Variants in RGS21 observed in about 807,000 individuals in gnomAD.
RGS21 encodes the protein regulator of G-protein signalling 21.
RGS21 carries 19 observed loss-of-function variants against 18.7 expected under a neutral mutation model. The ratio of observed to expected loss-of-function variants is 1.01; its 90% CI spans 0.71 to 1.49. The LOEUF is 1.49. Ranked by LOEUF, RGS21 falls within the 40% of genes most tolerant of loss-of-function variation. RGS21 has a pLI of 0.00. For synonymous variants in RGS21, 56 were observed against 57.8 expected, an observed-to-expected ratio of 0.97 and a Z score of 0.14; for missense variants, 194 against 176.8, an observed-to-expected ratio of 1.10 and a Z score of -0.55.
At chr1:192,365,642 T>C (rs1439068845) in intron 4 of RGS21, among the ~76,000 whole-genome samples, 4 of 152,084 alleles carry the variant, frequency 2.6e-5, no homozygotes, top group African/African-American at 9.7e-5. Context: ...TGTAAAGTCA[T>C]AAAATATCTT....
intron 3 of RGS21, among the ~76,000 whole-genome samples, chr1:192,348,218 T>C (rs923317978): frequency 1.3e-5 from 2 of 151,538 alleles, no homozygotes; most frequent in African/African-American, 4.9e-5. Context: ...TAGAGACAGG[T>C]GTTCGCCACA....
At chr1:192,341,308 G>A (rs1002462090) in intron 1 of RGS21, among the ~76,000 whole-genome samples, 13 of 151,910 alleles carry the variant, frequency 8.6e-5, no homozygotes, top group African/African-American at 2.7e-4. Context: ...CATGTTCCAG[G>A]CATTAGGACA....
chr1:192,318,784 C>T (rs1658454182), intron 1 of RGS21, among the ~76,000 whole-genome samples: 1 of 151,972 alleles, frequency 6.6e-6, no homozygotes, highest in Non-Finnish European at 1.5e-5. Flanking sequence ...AATAACACTT[C>T]CAAGAACTAT....
intron 1 of RGS21, among the ~76,000 whole-genome samples, chr1:192,333,062 A>T (rs1345715194): frequency 6.6e-6 from 1 of 152,166 alleles, no homozygotes; most frequent in East Asian, 1.9e-4. Context: ...TATCACATGA[A>T]AAAAAGGGTC....
chr1:192,317,383 G>A (rs988670076), intron 1 of RGS21, among the ~76,000 whole-genome samples: 2 of 151,576 alleles, frequency 1.3e-5, no homozygotes, highest in Admixed American at 6.6e-5. Context: ...TCCACGGGAG[G>A]GGAGAGAAAA....
At chr1:192,328,977 T>C (rs531714412) in intron 1 of RGS21, among the ~76,000 whole-genome samples, 1 of 152,272 alleles carries the variant, frequency 6.6e-6, no homozygotes, top group East Asian at 1.9e-4. Context: ...TAAAATGTTA[T>C]ACAATTTAAA....
intron 2 of RGS21, among the ~76,000 whole-genome samples, chr1:192,344,008 A>G (rs955618403): frequency 2.0e-5 from 3 of 151,966 alleles, no homozygotes; most frequent in Admixed American, 2.0e-4. Flanking sequence ...ATATAGTTAC[A>G]TTTTTTAAAA....
intron 1 of RGS21, among the ~76,000 whole-genome samples, chr1:192,339,173 C>A (rs1658814489): frequency 6.6e-6 from 1 of 151,722 alleles, no homozygotes; most frequent in African/African-American, 2.4e-5. Flanking sequence ...TCCCACAAAT[C>A]TTTTATGACA....
At chr1:192,355,952 T>C (rs553689513) in intron 4 of RGS21, among the ~76,000 whole-genome samples, 19 of 151,738 alleles carry the variant, frequency 1.3e-4, no homozygotes, top group African/African-American at 4.6e-4. Flanking sequence ...AATCATATCA[T>C]GGTGTAACAT....
chr1:192,322,054 C>T (rs896469747), intron 1 of RGS21, among the ~76,000 whole-genome samples: 10 of 152,208 alleles, frequency 6.6e-5, no homozygotes, highest in South Asian at 4.1e-4. Flanking sequence ...ACAAGTGGAA[C>T]GGCTAATCTA....
chr1:192,352,335 C>T lies in RGS21; in HGVS notation c.255+122C>T. 4 of 612,108 alleles carry T rather than the reference C, an allele frequency of 6.5e-6. No homozygotes were observed. The Middle Eastern group carries it at 1.1e-3, about 167-fold the overall frequency. 37.9% of individuals were successfully genotyped at this position (612,108 alleles called of 1,614,324 possible). On this transcript the variant is annotated intron_variant, in intron 4 of 4. Transcript: ENST00000417209. The stretch of plus-strand genomic sequence containing the variant: ...CAGTATGTGTTTAAATAGAAAATGT[C>T]AGTAGATTCCAAGAGAAATTCCTTA...
chr1:192,344,710 G>A (rs977100365), intron 2 of RGS21, among the ~76,000 whole-genome samples: 1 of 152,008 alleles, frequency 6.6e-6, no homozygotes, highest in African/African-American at 2.4e-5. Flanking sequence ...AAAAGTAAAT[G>A]CTATGTTACC....
chr1:192,320,526 ATGTATGTGTATGTGTATG>A (rs57903620), intron 1 of RGS21, among the ~76,000 whole-genome samples: 54 of 147,572 alleles, frequency 3.7e-4, no homozygotes, highest in East Asian at 6.0e-4. Flanking sequence ...GTATGTGTAT[ATGTATGTGTATGTGTATG>A]TGTATGTGTA....
rs1183437157 is a variant in RGS21, at chr1:192,366,506, TTG to T, written c.*384_*385del. ...TGCTTTATTCAAAAAAATCTCACTT[TTG>T]TAAAAAGAGAATTTCTGAACCAAAA... is the stretch of plus-strand genomic sequence containing the variant. On this transcript the variant is annotated 3_prime_UTR_variant, in exon 5 of 5. Coordinates refer to ENST00000417209, the MANE Select transcript of RGS21 (RefSeq NM_001039152.3). 1 of 152,712 alleles carries T rather than the reference TTG, an allele frequency of 6.5e-6. No homozygotes were observed. The highest frequency in any genetic ancestry group is 1.5e-5 in the Non-Finnish European group (1 of 68,460). The allele number at this position is 152,712 out of a possible 1,614,324, so 9.5% of individuals were successfully genotyped here. A position where few individuals can be genotyped will look rare whatever the true frequency, so the allele number is the denominator to read the frequency against.
Position 192,353,028 on chromosome 1 carries a change from T to A in RGS21, c.255+815T>A, listed in dbSNP as rs1004069699. ...CAAACAGGAAGCTCCATTAAACTAC[T>A]AGTACCAAACCAACTACTATTACCA... On this transcript the variant is annotated intron_variant, in intron 4 of 4. Transcript: ENST00000417209. 1.1e-4 allele frequency among the ~76,000 whole-genome samples: 17 copies of A among 152,056 alleles called. 1 individual carries two copies. The highest frequency in any genetic ancestry group is 3.3e-4 in the Admixed American group (5 of 15,216).
chr1:192,342,839 A>T lies in RGS21; in HGVS notation c.-60-138A>T, dbSNP rs1301179334. On this transcript the variant is annotated intron_variant, in intron 1 of 4. Coordinates refer to ENST00000417209, the MANE Select transcript of RGS21 (RefSeq NM_001039152.3). ...GAGTTATTTATTACTTAGAAGTTTA[A>T]GTGTTTTGACCAATGAAAAGTTAAT... The T allele has an allele frequency of 5.7e-6, 3 of 527,836 alleles. No individual in the cohort carries two copies. In the African/African-American group the frequency reaches 5.7e-5, roughly 10 times the overall value. The allele number at this position is 527,836 out of a possible 1,614,324, so 32.7% of individuals were successfully genotyped here.
intron 3 of RGS21, among the ~76,000 whole-genome samples, chr1:192,347,594 C>T (rs1658971451): frequency 6.6e-6 from 1 of 152,006 alleles, no homozygotes; most frequent in Non-Finnish European, 1.5e-5. Flanking sequence ...TACATTAAAA[C>T]AAAAGGGAAA....
At position 192,366,356 on chromosome 1, in the gene RGS21, G is replaced by A; in HGVS notation, c.*232G>A. On this transcript the variant is annotated 3_prime_UTR_variant, in exon 5 of 5. Transcript: ENST00000417209. ...GGGGAGTACAAAGAAAGTTTATAGA[G>A]ATACAATATAGTCTTAAACCAAAAC... is the stretch of plus-strand genomic sequence containing the variant. 2.4e-6 allele frequency: 1 copy of A among 412,366 alleles called. No homozygotes were observed. Among genetic ancestry groups the A allele is most frequent in the Non-Finnish European group, 4.3e-6 (1 of 230,574 alleles). The allele number at this position is 412,366 out of a possible 1,614,324, so 25.5% of individuals were successfully genotyped here. A position where few individuals can be genotyped will look rare whatever the true frequency, so the allele number is the denominator to read the frequency against.
At chr1:192,327,340 G>A (rs1229729107) in intron 1 of RGS21, among the ~76,000 whole-genome samples, 1 of 152,040 alleles carries the variant, frequency 6.6e-6, no homozygotes, top group African/African-American at 2.4e-5. Flanking sequence ...CTAGCAACGA[G>A]TAGATTATAA....
Sources: allele counts gnomAD v4.1 joint callset (sites outside exome capture counted in the v4.1 genomes callset), GRCh38; gene constraint gnomAD v4.1.1; transcripts MANE v1.5; gene names NCBI Gene and HGNC (gene_info 2026-07-23, HGNC 2026-07-21).